Variants in WDR17 observed in about 807,000 individuals in gnomAD.
WDR17 encodes WD repeat domain 17, also known as WD repeat-containing protein 17.
In WDR17, 143 loss-of-function variants were observed where a neutral mutation model predicts 161.7. That is an observed-to-expected ratio of 0.88 (90% CI 0.77 to 1.02). The LOEUF (loss-of-function observed/expected upper bound fraction) is 1.02, where lower values mean the gene tolerates loss of function less well. Ranked by LOEUF, WDR17 falls within the 50% of genes least tolerant of loss-of-function variation. WDR17 has a pLI of 0.00. For missense variants in WDR17, 1,469 were observed against 1,520.9 expected (o/e 0.97, Z 0.57); for synonymous variants, 517 against 515.6 (o/e 1.00, Z -0.04).
intron 1 of WDR17, among the ~76,000 whole-genome samples, chr4:176,066,791 G>T (rs1272286706): frequency 2.0e-5 from 3 of 151,828 alleles, no homozygotes; most frequent in African/African-American, 7.3e-5. Context: ...TTTAACAAGG[G>T]TTTGAAGAGA....
At chr4:176,069,265 ATT>A (rs1200077863) in intron 1 of WDR17, among the ~76,000 whole-genome samples, 9 of 152,050 alleles carry the variant, frequency 5.9e-5, no homozygotes, top group African/African-American at 1.2e-4. Context: ...ATATATATAT[ATT>A]GATAAAAGTC....
intron 22 of WDR17, among the ~76,000 whole-genome samples, chr4:176,164,099 T>A (rs1749432630): frequency 6.6e-6 from 1 of 152,128 alleles, no homozygotes. Context: ...CCACAGGTGG[T>A]AATGATAATA....
chr4:176,176,531 C>T (rs908596018), intron 26 of WDR17, among the ~76,000 whole-genome samples: 2 of 152,182 alleles, frequency 1.3e-5, no homozygotes, highest in Non-Finnish European at 2.9e-5. Context: ...CTTCACCTAT[C>T]ACCTCTATGG....
chr4:176,163,326 TA>T (rs754343335), intron 22 of WDR17, 33 bp downstream of exon 22: 1 of 1,579,138 alleles, frequency 6.3e-7, no homozygotes, highest in South Asian at 1.2e-5. Flanking sequence ...AATAATTTCA[TA>T]GTGATGGAAT....
chr4:176,071,612 G>A lies in WDR17; in HGVS notation c.-7+5533G>A, dbSNP rs576143145. ...TTACAGGCGTGAGCCACCACACCCG[G>A]CCTTTCCCTTTTCTATTATTCTTTG... On this transcript the variant is annotated intron_variant, in intron 1 of 28. Transcript: ENST00000508596. 1.3e-5 allele frequency among the ~76,000 whole-genome samples: 2 copies of A among 152,270 alleles called. 1 individual carries two copies. Among genetic ancestry groups the A allele is most frequent in the African/African-American group, 4.8e-5 (2 of 41,560 alleles).
In WDR17 at chr4:176,151,873, C is replaced by T; in HGVS notation, c.2366C>T (p.Pro789Leu). 1 of 1,612,654 alleles carries T rather than the reference C, an allele frequency of 6.2e-7. No individual in the cohort carries two copies. The highest frequency in any genetic ancestry group is 8.5e-7 in the Non-Finnish European group (1 of 1,179,444). The change falls in exon 17 of 29, where the codon CCT (proline) becomes CTT (leucine). Residue 789 changes from proline to leucine, a missense_variant. Physicochemically the swap from Pro to Leu is moderately conservative, Grantham distance 98. Transcript: ENST00000508596. ...AAATTTGGTGGTGGTATTGGTGTAC[C>T]TGCTAAAGAGGAAAGACTGAAGGAA... ...MSKFGGGIGV[P>L]AKEERLKEAA...
intron 1 of WDR17, among the ~76,000 whole-genome samples, chr4:176,083,415 A>G (rs2126600753): frequency 6.6e-6 from 1 of 152,292 alleles, no homozygotes; most frequent in East Asian, 1.9e-4. Flanking sequence ...TACCACTAGC[A>G]GAATAGATAA....
chr4:176,079,592 A>T (rs73874913), intron 1 of WDR17, among the ~76,000 whole-genome samples: 1 of 152,176 alleles, frequency 6.6e-6, no homozygotes, highest in African/African-American at 2.4e-5. Flanking sequence ...AAGGTGATTC[A>T]TATTGAATCA....
At chr4:176,172,645 A>G in intron 24 of WDR17, 129 bp downstream of exon 24, 1 of 856,816 alleles carries the variant, frequency 1.2e-6, no homozygotes, top group East Asian at 2.8e-5. Flanking sequence ...TAATTTATAA[A>G]GAAAGTAGAT....
In WDR17 at chr4:176,124,834, A is replaced by G. The variant is rs558094687; in HGVS notation, c.539-270A>G. On this transcript the variant is annotated intron_variant, in intron 4 of 28. Coordinates refer to ENST00000508596, the MANE Select transcript of WDR17 (RefSeq NM_181265.4). The stretch of plus-strand genomic sequence containing the variant: ...AGATCAGAGTATGTTATTTATCTGT[A>G]TATTTTCTTACTGCTTTTCGGTAAC... Among the ~76,000 whole-genome samples the G allele has an allele frequency of 3.7e-4, 56 of 152,316 alleles. 1 individual carries two copies. Among genetic ancestry groups the G allele is most frequent in the Non-Finnish European group, 6.5e-4 (44 of 68,018 alleles).
At chr4:176,121,396 T>A (rs745342134) in intron 4 of WDR17, among the ~76,000 whole-genome samples, 2 of 152,156 alleles carry the variant, frequency 1.3e-5, no homozygotes, top group Non-Finnish European at 2.9e-5. Context: ...ATGCAATCTA[T>A]AATAAATATG....
At chr4:176,128,899 A>G (rs781645158) in intron 6 of WDR17, 39 bp downstream of exon 6, 3 of 1,481,202 alleles carry the variant, frequency 2.0e-6, no homozygotes, top group Admixed American at 2.3e-5. Context: ...TTTTTAAAAA[A>G]TATTGTGTTT....
intron 2 of WDR17, among the ~76,000 whole-genome samples, chr4:176,114,183 T>A (rs1740226650): frequency 6.6e-6 from 1 of 152,086 alleles, no homozygotes; most frequent in African/African-American, 2.4e-5. Flanking sequence ...CATAGGTGAC[T>A]TAAATTGCTG....
chr4:176,130,574 C>T (rs954715638), intron 6 of WDR17, among the ~76,000 whole-genome samples: 23 of 147,532 alleles, frequency 1.6e-4, no homozygotes, highest in Admixed American at 1.4e-3. Flanking sequence ...GAAACCCTGT[C>T]TCTACTAAAA....
intron 1 of WDR17, among the ~76,000 whole-genome samples, chr4:176,094,605 T>C (rs1247703172): frequency 2.0e-5 from 3 of 152,180 alleles, no homozygotes; most frequent in Admixed American, 6.6e-5. Flanking sequence ...CGGAAATACA[T>C]TGAAAGCAGA....
At chr4:176,145,028 C>T (rs1475784892) in intron 11 of WDR17, among the ~76,000 whole-genome samples, 1 of 152,052 alleles carries the variant, frequency 6.6e-6, no homozygotes, top group Non-Finnish European at 1.5e-5. Context: ...TGCAAACTGC[C>T]GTATTTCTAC....
rs1360218540 is a variant in WDR17, at chr4:176,172,464, G to A, written c.3192G>A (p.Leu1064=). The change falls in exon 24 of 29, where the codon TTG becomes TTA. Residue 1064 remains leucine (L), a synonymous_variant. Coordinates refer to ENST00000508596, the MANE Select transcript of WDR17 (RefSeq NM_181265.4). ...DNIFETVKYY[L]LSQEPEKALP... is the part of the protein sequence containing the mutation. ...TATTTGAAACTGTAAAATATTACTT[G>A]TTAAGTCAAGAACCTGAAAAAGCCC... The A allele has an allele frequency of 6.2e-7, 1 of 1,610,326 alleles. No homozygotes were observed.
intron 1 of WDR17, among the ~76,000 whole-genome samples, chr4:176,081,932 C>T (rs1719530789): frequency 6.6e-6 from 1 of 152,028 alleles, no homozygotes; most frequent in South Asian, 2.1e-4. Context: ...CCACCTGTAC[C>T]AAAAGAATGT....
chr4:176,165,182 A>AG, intron 22 of WDR17, among the ~76,000 whole-genome samples: 1 of 147,538 alleles, frequency 6.8e-6, no homozygotes, highest in East Asian at 2.0e-4. Context: ...AAAAAAAAAA[A>AG]CCCATTACTA....
Sources: allele counts gnomAD v4.1 joint callset (sites outside exome capture counted in the v4.1 genomes callset), GRCh38; gene constraint gnomAD v4.1.1; transcripts MANE v1.5; gene names NCBI Gene and HGNC (gene_info 2026-07-23, HGNC 2026-07-21).